Variants in KCNQ3 observed in about 807,000 individuals in gnomAD.
KCNQ3 encodes the protein potassium voltage-gated channel subfamily Q member 3.
KCNQ3 carries 30 observed loss-of-function variants against 92.5 expected under a neutral mutation model. That is an observed-to-expected ratio of 0.32 (90% CI 0.24 to 0.44). The LOEUF is 0.44. Ranked by LOEUF, KCNQ3 falls within the 20% of genes least tolerant of loss-of-function variation. The probability of loss-of-function intolerance (pLI) is 1.00; values close to 1 mark genes in which losing one functional copy is unlikely to be tolerated. For missense variants in KCNQ3, 913 were observed against 1,140.3 expected (o/e 0.80, Z 2.87); for synonymous variants, 450 against 468.8 (o/e 0.96, Z 0.52).
At chr8:132,318,649 A>G (rs1189133420) in intron 1 of KCNQ3, among the ~76,000 whole-genome samples, 1 of 152,202 alleles carries the variant, frequency 6.6e-6, no homozygotes, top group Non-Finnish European at 1.5e-5. Context: ...TTTCTGGGGC[A>G]CACTCATGGA....
chr8:132,249,697 G>C (rs762855869), intron 1 of KCNQ3, among the ~76,000 whole-genome samples: 1 of 152,304 alleles, frequency 6.6e-6, no homozygotes, highest in South Asian at 2.1e-4. Context: ...ACTGGGCACC[G>C]CAGAGCAGGG....
chr8:132,383,671 G>A (rs529073642), intron 1 of KCNQ3, among the ~76,000 whole-genome samples: 1 of 152,352 alleles, frequency 6.6e-6, no homozygotes, highest in Admixed American at 6.5e-5. Context: ...AGCCGAAGCA[G>A]TGCCTGGTAC....
chr8:132,175,313 C>G (rs1181873918), intron 5 of KCNQ3, 140 bp downstream of exon 5: 1 of 919,126 alleles, frequency 1.1e-6, no homozygotes, highest in Non-Finnish European at 1.8e-6. Context: ...TCAGCAGGTT[C>G]TGAGCTGAAA....
chr8:132,457,596 T>C (rs1821971957), intron 1 of KCNQ3, among the ~76,000 whole-genome samples: 1 of 152,188 alleles, frequency 6.6e-6, no homozygotes, highest in Admixed American at 6.5e-5. Flanking sequence ...CACCGTTCCA[T>C]CTTTCCACGC....
chr8:132,137,677 C>T (rs1206600989), intron 12 of KCNQ3, among the ~76,000 whole-genome samples: 1 of 152,184 alleles, frequency 6.6e-6, no homozygotes, highest in Non-Finnish European at 1.5e-5. Context: ...AGGGTGCTGA[C>T]CTTGGCCATG....
intron 13 of KCNQ3, among the ~76,000 whole-genome samples, chr8:132,133,350 G>A (rs2436136): frequency 0.39 from 51,075 of 130,870 alleles, 10,704 homozygotes; most frequent in Non-Finnish European, 0.49. Flanking sequence ...TAATGCTCTC[G>A]ATTCTTTTTT....
At chr8:132,252,967 T>C (rs1815465681) in intron 1 of KCNQ3, among the ~76,000 whole-genome samples, 1 of 152,186 alleles carries the variant, frequency 6.6e-6, no homozygotes, top group Non-Finnish European at 1.5e-5. Flanking sequence ...TTCCTAGCTG[T>C]TAAGAGGTCA....
At chr8:132,149,245 A>G (rs933274448) in intron 9 of KCNQ3, among the ~76,000 whole-genome samples, 1 of 152,246 alleles carries the variant, frequency 6.6e-6, no homozygotes, top group Non-Finnish European at 1.5e-5. Flanking sequence ...CTGGGAGGAC[A>G]GGGTGGGGCC....
At chr8:132,415,172 C>G (rs1820762517) in intron 1 of KCNQ3, among the ~76,000 whole-genome samples, 1 of 152,242 alleles carries the variant, frequency 6.6e-6, no homozygotes, top group Non-Finnish European at 1.5e-5. Flanking sequence ...TCAACCTCCA[C>G]TCCAGGGTAC....
At chr8:132,246,535 T>G (rs1165789688) in intron 1 of KCNQ3, among the ~76,000 whole-genome samples, 1 of 152,248 alleles carries the variant, frequency 6.6e-6, no homozygotes, top group Non-Finnish European at 1.5e-5. Flanking sequence ...ATTTATTTGC[T>G]TAGACAAGCC....
chr8:132,368,387 C>T (rs1224459316), intron 1 of KCNQ3, among the ~76,000 whole-genome samples: 1 of 152,090 alleles, frequency 6.6e-6, no homozygotes, highest in Non-Finnish European at 1.5e-5. Flanking sequence ...TGCACAGTGG[C>T]TCACTCTGTA....
At chr8:132,353,679 T>G (rs1374247733) in intron 1 of KCNQ3, among the ~76,000 whole-genome samples, 1 of 152,164 alleles carries the variant, frequency 6.6e-6, no homozygotes, top group South Asian at 2.1e-4. Context: ...CTGGGCGTGG[T>G]GGCGCACGGC....
intron 1 of KCNQ3, among the ~76,000 whole-genome samples, chr8:132,425,791 T>C (rs1005919659): frequency 2.0e-5 from 3 of 152,212 alleles, no homozygotes; most frequent in African/African-American, 7.2e-5. Flanking sequence ...ATGTTCTAAT[T>C]ATTTAAGTGG....
chr8:132,180,113 G>A (rs1467624311), intron 4 of KCNQ3, 44 bp downstream of exon 4: 7 of 1,604,370 alleles, frequency 4.4e-6, no homozygotes, highest in Non-Finnish European at 5.1e-6. Context: ...GGCATAGGTG[G>A]GTGGGAAGCC....
intron 1 of KCNQ3, among the ~76,000 whole-genome samples, chr8:132,424,123 C>A (rs540143065): frequency 6.6e-6 from 1 of 151,748 alleles, no homozygotes; most frequent in East Asian, 1.9e-4. Context: ...CAGCCCACAC[C>A]CCTCCCCCCG....
At chr8:132,229,117 G>T (rs1440343234) in intron 1 of KCNQ3, among the ~76,000 whole-genome samples, 3 of 152,132 alleles carry the variant, frequency 2.0e-5, no homozygotes, top group African/African-American at 4.8e-5. Context: ...AGCTGGGCGT[G>T]GTGGCACATG....
intron 1 of KCNQ3, among the ~76,000 whole-genome samples, chr8:132,269,386 A>G (rs7836596): frequency 0.44 from 67,599 of 152,020 alleles, 16,970 homozygotes; most frequent in East Asian, 0.73. Flanking sequence ...GAAGAGCATA[A>G]AGTCTGTGTC....
At chr8:132,282,545 G>T (rs1816555758) in intron 1 of KCNQ3, among the ~76,000 whole-genome samples, 1 of 151,916 alleles carries the variant, frequency 6.6e-6, no homozygotes, top group African/African-American at 2.4e-5. Flanking sequence ...CCCTTGCTCT[G>T]CTCCCGCCCC....
Position 132,120,966 on chromosome 8 carries a change from T to C in KCNQ3, c.*8296A>G, listed in dbSNP as rs572023489. ...CATAATATATATGGAAATCAACCTA[T>C]TAAAGTTGTTCAAATATTGGACAGA... is the stretch of plus-strand genomic sequence containing the variant. On this transcript the variant is annotated 3_prime_UTR_variant, in exon 15 of 15. Coordinates refer to ENST00000388996, the MANE Select transcript of KCNQ3 (RefSeq NM_004519.4). 8 of 152,316 alleles carry C rather than the reference T, an allele frequency of 5.3e-5. No homozygotes were observed. The South Asian group carries it at 1.2e-3, about 24-fold the overall frequency. 9.4% of individuals were successfully genotyped at this position (152,316 alleles called of 1,614,324 possible).
Sources: gnomAD v4.1 joint callset for allele counts (sites outside exome capture counted in the v4.1 genomes callset) on GRCh38, gnomAD v4.1.1 for gene constraint, MANE v1.5 for transcripts, NCBI Gene and HGNC (gene_info 2026-07-23, HGNC 2026-07-21) for gene names.